The following EPHA5 variants were observed in gnomAD, a reference collection of about 807,000 sequenced individuals.
EPHA5 encodes the protein EPH receptor A5.
A neutral mutation model predicts 105.0 loss-of-function variants in EPHA5; 60 were observed. The ratio of observed to expected loss-of-function variants is 0.57; its 90% CI spans 0.46 to 0.71. EPHA5 has a LOEUF of 0.71. EPHA5 is among the 30% of genes least tolerant of loss of function. The pLI, the probability that EPHA5 is intolerant of heterozygous loss-of-function variation, is 0.00. For missense variants in EPHA5, 1,218 were observed against 1,274.7 expected (o/e 0.96, Z 0.68); for synonymous variants, 513 against 449.1 (o/e 1.14, Z -1.80).
At chr4:65,554,663 TG>T (rs1207842963) in intron 3 of EPHA5, among the ~76,000 whole-genome samples, 1 of 151,844 alleles carries the variant, frequency 6.6e-6, no homozygotes, top group East Asian at 1.9e-4. Context: ...TATTCCCCTG[TG>T]TGTGGCCAAT....
At chr4:65,449,386 G>A (rs1337962215) in intron 5 of EPHA5, among the ~76,000 whole-genome samples, 1 of 152,064 alleles carries the variant, frequency 6.6e-6, no homozygotes, top group Non-Finnish European at 1.5e-5. Context: ...GTACACATTT[G>A]TACACTTTGG....
At chr4:65,444,408 T>A (rs1483546441) in intron 5 of EPHA5, among the ~76,000 whole-genome samples, 1 of 152,178 alleles carries the variant, frequency 6.6e-6, no homozygotes, top group Non-Finnish European at 1.5e-5. Context: ...TTAATCTTTA[T>A]AAAATCTCAG....
chr4:65,654,565 A>G (rs1429137087), intron 1 of EPHA5, among the ~76,000 whole-genome samples: 1 of 151,336 alleles, frequency 6.6e-6, no homozygotes, highest in Non-Finnish European at 1.5e-5. Context: ...CTTTGAATTT[A>G]TATTACCTGT....
chr4:65,528,832 A>G (rs549131008), intron 3 of EPHA5, among the ~76,000 whole-genome samples: 21 of 152,248 alleles, frequency 1.4e-4, no homozygotes, highest in Middle Eastern at 3.4e-3. Flanking sequence ...TTTAAAGACC[A>G]TTCTGGCATT....
intron 2 of EPHA5, among the ~76,000 whole-genome samples, chr4:65,640,897 G>A (rs1212087240): frequency 2.6e-5 from 4 of 152,108 alleles, no homozygotes; most frequent in Non-Finnish European, 5.9e-5. Context: ...AATCAATGTG[G>A]ACATCTCAGT....
At chr4:65,471,861 A>C (rs1277392911) in intron 5 of EPHA5, among the ~76,000 whole-genome samples, 2 of 152,146 alleles carry the variant, frequency 1.3e-5, no homozygotes, top group Non-Finnish European at 2.9e-5. Context: ...ACAGAGCCAA[A>C]CCATATCATT....
At chr4:65,465,292 C>A (rs192791913) in intron 5 of EPHA5, among the ~76,000 whole-genome samples, 1 of 151,416 alleles carries the variant, frequency 6.6e-6, no homozygotes, top group Non-Finnish European at 1.5e-5. Flanking sequence ...AAAAATTAGC[C>A]GGGCGTGGTC....
chr4:65,511,226 G>A (rs923322420), intron 3 of EPHA5, among the ~76,000 whole-genome samples: 4 of 152,118 alleles, frequency 2.6e-5, no homozygotes, highest in South Asian at 2.1e-4. Flanking sequence ...CAAAGTACAG[G>A]GTGGAGATGT....
rs1217799732 is a variant in EPHA5 at position 65,602,005 on chromosome 4, G to A, written c.546C>T (p.Ser182=). ...IKIDTIAADE[S]FTELDLGDRV... Reference sequence around the variant, plus strand: ...GGTCACCAAGATCAAGTTCTGTAAAGCTTTCATCGGCAGCAATGGTATCAA... The same window carrying A: ...GGTCACCAAGATCAAGTTCTGTAAAACTTTCATCGGCAGCAATGGTATCAA... Residue 182 remains serine (S), a synonymous_variant, in exon 3 of 17, where the codon AGC becomes AGT. Coordinates refer to ENST00000613740, the MANE Select transcript of EPHA5 (RefSeq NM_001281766.3). 1 of 1,614,096 alleles carries A rather than the reference G, an allele frequency of 6.2e-7. No individual in the cohort carries two copies.
chr4:65,365,076 C>G lies in EPHA5; in HGVS notation c.2114G>C (p.Ser705Thr), dbSNP rs769721695. The G allele has an allele frequency of 6.2e-7, 1 of 1,611,842 alleles. No homozygotes were observed. Reference sequence around the variant, plus strand: ...AGGATGATCAAACTGTCCCATGATACTTGCTTCACCTAGGAAATCTCTGCG... The same window carrying G: ...AGGATGATCAAACTGTCCCATGATAGTTGCTTCACCTAGGAAATCTCTGCG... ...KQRRDFLGEA[S>T]IMGQFDHPNI... The change falls in exon 11 of 17, where the codon AGT (serine) becomes ACT (threonine). Residue 705 changes from serine to threonine, a missense_variant. Coordinates refer to ENST00000613740, the MANE Select transcript of EPHA5 (RefSeq NM_001281766.3).
intron 11 of EPHA5, among the ~76,000 whole-genome samples, chr4:65,360,905 C>T (rs1013364646): frequency 2.0e-5 from 3 of 151,328 alleles, no homozygotes; most frequent in African/African-American, 7.3e-5. Flanking sequence ...TTTCAACGAG[C>T]TCATTGCATA....
In EPHA5 at chr4:65,588,799, G is replaced by A. The variant is rs149945377; in HGVS notation, c.910+12842C>T. Among the ~76,000 whole-genome samples the A allele has an allele frequency of 4.1e-3, 623 of 152,224 alleles. 4 individuals are homozygous for A. The highest frequency in any genetic ancestry group is 7.1e-3 in the Non-Finnish European group (486 of 68,014). ...GTCCTTAAAGGGCTTGCCATGAGTA[G>A]CTGGCCTGGTCGGACGGTACCAGGT... On this transcript the variant is annotated intron_variant, in intron 3 of 16. Transcript: ENST00000613740.
intron 3 of EPHA5, among the ~76,000 whole-genome samples, chr4:65,557,259 T>TATATATATATATA (rs1560693532): frequency 6.8e-4 from 97 of 142,266 alleles, no homozygotes; most frequent in South Asian, 1.1e-3. Flanking sequence ...TATATATATA[T>TATATATATATATA]TCTCACACTT....
chr4:65,438,135 G>T (rs1578117630), intron 5 of EPHA5, among the ~76,000 whole-genome samples: 1 of 151,800 alleles, frequency 6.6e-6, no homozygotes, highest in African/African-American at 2.4e-5. Flanking sequence ...CAGTAAACAA[G>T]AACAAGGTCC....
At position 65,481,816 on chromosome 4, in the gene EPHA5, A is replaced by G. The variant is rs190803212; in HGVS notation, c.1402+8561T>C. On this transcript the variant is annotated intron_variant, in intron 5 of 16. Coordinates refer to ENST00000613740, the MANE Select transcript of EPHA5 (RefSeq NM_001281766.3). ...GTATAAATATCTGATTAGAGATTCTAGATTCAATGTGCTACTTCTGGTAGC... is the reference window on the plus strand; with the variant it reads ...GTATAAATATCTGATTAGAGATTCTGGATTCAATGTGCTACTTCTGGTAGC... 2.7e-3 allele frequency among the ~76,000 whole-genome samples: 418 copies of G among 152,364 alleles called. 2 individuals are homozygous for G. Among genetic ancestry groups the G allele is most frequent in the African/African-American group, 9.7e-3 (403 of 41,596 alleles).
At chr4:65,558,280 A>G (rs960659539) in intron 3 of EPHA5, among the ~76,000 whole-genome samples, 2 of 152,140 alleles carry the variant, frequency 1.3e-5, no homozygotes, top group African/African-American at 2.4e-5. Context: ...GGTAATGGTA[A>G]CAGATCACAC....
chr4:65,517,414 A>T (rs1255200267), intron 3 of EPHA5, among the ~76,000 whole-genome samples: 1 of 151,864 alleles, frequency 6.6e-6, no homozygotes, highest in East Asian at 1.9e-4. Context: ...CAGAATATTC[A>T]TTTATTTTGA....
At chr4:65,503,282 A>G (rs913720880) in intron 3 of EPHA5, among the ~76,000 whole-genome samples, 4 of 151,926 alleles carry the variant, frequency 2.6e-5, no homozygotes, top group African/African-American at 9.6e-5. Flanking sequence ...AGACAATTTG[A>G]AATTATTTTT....
intron 3 of EPHA5, among the ~76,000 whole-genome samples, chr4:65,572,350 C>T (rs1367569919): frequency 6.6e-6 from 1 of 151,430 alleles, no homozygotes; most frequent in Non-Finnish European, 1.5e-5. Context: ...TGATTTTATC[C>T]CCTTGATATA....
Sources: allele counts gnomAD v4.1 joint callset (sites outside exome capture counted in the v4.1 genomes callset), GRCh38; gene constraint gnomAD v4.1.1; transcripts MANE v1.5; gene names NCBI Gene and HGNC (gene_info 2026-07-23, HGNC 2026-07-21).